The following PHEX variants were observed in gnomAD, a reference collection of about 807,000 sequenced individuals.
PHEX encodes phosphate regulating endopeptidase X-linked.
In PHEX, 16 loss-of-function variants were observed where a neutral mutation model predicts 68.0. The observed-to-expected ratio is 0.24, with a 90% CI of 0.16 to 0.36. The LOEUF (loss-of-function observed/expected upper bound fraction) is 0.36. Ranked by LOEUF, PHEX falls within the 10% of genes least tolerant of loss-of-function variation. The pLI, the probability that PHEX is intolerant of heterozygous loss-of-function variation, is 1.00. For synonymous variants in PHEX, 208 were observed against 205.1 expected (o/e 1.01, Z -0.12); for missense variants, 480 against 575.5 (o/e 0.83, Z 1.70).
At chrX:22,056,512 TC>T (rs1249990664) in intron 3 of PHEX, among the ~76,000 whole-genome samples, 1 of 110,402 alleles carries the variant, frequency 9.1e-6, no homozygotes, top group Non-Finnish European at 1.9e-5. Flanking sequence ...ATTAATAAGG[TC>T]CCCTAGGCTG....
At chrX:22,176,392 AAAAAAAAAAAAT>A (rs1933696975) in intron 13 of PHEX, among the ~76,000 whole-genome samples, 1 of 60,620 alleles carries the variant, frequency 1.6e-5, no homozygotes, top group African/African-American at 7.0e-5. Flanking sequence ...CTCAAAAAAA[AAAAAAAAAAAAT>A]ATATATATAT....
rs146759532 is a variant in PHEX at position 22,227,360 on chromosome X, C to T, written c.1966-147C>T. 1.3e-3 allele frequency: 657 copies of T among 503,350 alleles called. 1 individual carries two copies. Among genetic ancestry groups the T allele is most frequent in the African/African-American group, 0.013 (552 of 42,905 alleles). 41.5% of individuals were successfully genotyped at this position (503,350 alleles called of 1,213,427 possible). The stretch of plus-strand genomic sequence containing the variant: ...GTGTACCTGCCTCACTGGTAAGCAA[C>T]AGGACATGGACTTGTGTTTCTTAAG... On this transcript the variant is annotated intron_variant, in intron 19 of 21. Transcript: ENST00000379374.
chrX:22,130,237 G>T (rs748648456), intron 11 of PHEX, among the ~76,000 whole-genome samples: 1 of 111,523 alleles, frequency 9.0e-6, no homozygotes, highest in African/African-American at 3.3e-5. Flanking sequence ...GTTGCTACAT[G>T]ATGAGTCCCT....
intron 5 of PHEX, among the ~76,000 whole-genome samples, chrX:22,083,392 A>G (rs755442840): frequency 1.8e-5 from 2 of 111,409 alleles, no homozygotes; most frequent in Non-Finnish European, 3.8e-5. Flanking sequence ...TGTTTTTTCT[A>G]TTTTGTGAGG....
intron 5 of PHEX, among the ~76,000 whole-genome samples, 177 bp downstream of exon 5, chrX:22,077,879 A>C (rs1029441808): frequency 8.9e-6 from 1 of 112,220 alleles, no homozygotes; most frequent in Non-Finnish European, 1.9e-5. Context: ...GACCATTACC[A>C]TACAAGTTTT....
intron 20 of PHEX, among the ~76,000 whole-genome samples, chrX:22,233,235 C>T (rs1480973667): frequency 1.8e-5 from 2 of 111,562 alleles, no homozygotes; most frequent in Non-Finnish European, 3.8e-5. Context: ...TCTGGCTCCC[C>T]TTAACTTTTT....
At chrX:22,221,485 C>G in intron 17 of PHEX, 128 bp from the exon 18 acceptor site, 1 of 550,548 alleles carries the variant, frequency 1.8e-6, no homozygotes, top group Admixed American at 2.8e-5. Flanking sequence ...AATGCAGGAG[C>G]TGATCTCAGG....
chrX:22,138,955 G>A (rs746871126), intron 12 of PHEX, among the ~76,000 whole-genome samples: 270 of 111,357 alleles, frequency 2.4e-3, no homozygotes, highest in Non-Finnish European at 4.1e-3. Context: ...CCAAGATGGC[G>A]GCCTTCATAC....
intron 20 of PHEX, among the ~76,000 whole-genome samples, chrX:22,234,251 G>A (rs1228318445): frequency 8.9e-6 from 1 of 112,614 alleles, no homozygotes; most frequent in Non-Finnish European, 1.9e-5. Flanking sequence ...GTGTCTCCCA[G>A]TCAGGATACA....
intron 1 of PHEX, among the ~76,000 whole-genome samples, chrX:22,036,205 G>A (rs1295168925): frequency 9.4e-6 from 1 of 106,748 alleles, no homozygotes; most frequent in African/African-American, 3.4e-5. Flanking sequence ...GATTACAGGC[G>A]TGCACCACCA....
At chrX:22,080,352 G>A (rs1323500717) in intron 5 of PHEX, among the ~76,000 whole-genome samples, 3 of 111,608 alleles carry the variant, frequency 2.7e-5, no homozygotes, top group African/African-American at 9.8e-5. Flanking sequence ...TGCGGCAAAC[G>A]TTTGCTTAAG....
chrX:22,217,257 A>T (rs182190694), intron 16 of PHEX, among the ~76,000 whole-genome samples: 1 of 112,407 alleles, frequency 8.9e-6, no homozygotes, highest in Non-Finnish European at 1.9e-5. Flanking sequence ...TTTGTCCCAC[A>T]CTGCTATGAT....
chrX:22,200,420 C>G (rs1426248331), intron 15 of PHEX, among the ~76,000 whole-genome samples: 2 of 110,814 alleles, frequency 1.8e-5, no homozygotes, highest in Non-Finnish European at 3.8e-5. Context: ...ACCAGCCTGG[C>G]CAACGTGGTG....
intron 12 of PHEX, among the ~76,000 whole-genome samples, chrX:22,160,666 G>T (rs1437272508): frequency 9.0e-6 from 1 of 110,565 alleles, no homozygotes; most frequent in Non-Finnish European, 1.9e-5. Flanking sequence ...GCACAGGAAA[G>T]ACCCACCCTC....
In PHEX at chrX:22,241,096, C is replaced by G. The variant is rs752531074; in HGVS notation, c.2071-4237C>G. 2.1e-3 allele frequency among the ~76,000 whole-genome samples: 235 copies of G among 112,030 alleles called. 1 individual carries two copies. Among genetic ancestry groups the G allele is most frequent in the African/African-American group, 7.4e-3 (227 of 30,801 alleles). Reference sequence around the variant, plus strand: ...ACAGTCTCTCAGACCACAGTGCAAACAAATTAGAACTCAGGATTAAGAAAC... The same window carrying G: ...ACAGTCTCTCAGACCACAGTGCAAAGAAATTAGAACTCAGGATTAAGAAAC... On this transcript the variant is annotated intron_variant, in intron 20 of 21. Transcript: ENST00000379374.
Position 22,076,457 on chromosome X carries a change from C to T in PHEX, c.419C>T (p.Ser140Leu), listed in dbSNP as rs140678356. 18 of 1,181,118 alleles carry T rather than the reference C, an allele frequency of 1.5e-5. No individual in the cohort carries two copies. The highest frequency in any genetic ancestry group is 1.7e-5 in the Non-Finnish European group (15 of 868,393). The change falls in exon 4 of 22, where the codon TCA (serine) becomes TTA (leucine). Residue 140 changes from serine (S) to leucine (L), a missense_variant. Coordinates refer to ENST00000379374, the MANE Select transcript of PHEX (RefSeq NM_000444.6). ...EAIQKAKILY[S>L]SCMNEKAIEK... ...ATACAGAAAGCCAAAATCCTTTATT[C>T]ATCCTGCATGAATGAGAGTGAGTGA...
At chrX:22,089,457 G>A (rs1291541163) in intron 5 of PHEX, among the ~76,000 whole-genome samples, 1 of 101,220 alleles carries the variant, frequency 9.9e-6, no homozygotes, top group African/African-American at 3.7e-5. Flanking sequence ...GTTTTGCTCT[G>A]TTGCCCAGGC....
At chrX:22,199,965 A>G (rs1462649072) in intron 15 of PHEX, among the ~76,000 whole-genome samples, 1 of 111,520 alleles carries the variant, frequency 9.0e-6, no homozygotes, top group African/African-American at 3.3e-5. Context: ...AAGAGCGGGG[A>G]CTACTGTACT....
chrX:22,204,538 T>C (rs953208842), intron 15 of PHEX, among the ~76,000 whole-genome samples: 3 of 112,009 alleles, frequency 2.7e-5, no homozygotes, highest in Non-Finnish European at 3.8e-5. Flanking sequence ...AGATTGTAGG[T>C]TCTCTGAGGA....
Sources: gnomAD v4.1 joint callset for allele counts (sites outside exome capture counted in the v4.1 genomes callset) on GRCh38, gnomAD v4.1.1 for gene constraint, MANE v1.5 for transcripts, NCBI Gene and HGNC (gene_info 2026-07-23, HGNC 2026-07-21) for gene names.